The following COMMD1 variants were observed in gnomAD, a reference collection of about 807,000 sequenced individuals.
The protein encoded by COMMD1 is COMM domain-containing protein 1.
In COMMD1, 10 loss-of-function variants were observed where a neutral mutation model predicts 17.2. The observed-to-expected ratio is 0.58, with a 90% CI of 0.36 to 0.99. The LOEUF (loss-of-function observed/expected upper bound fraction) is 0.99, where lower values mean the gene tolerates loss of function less well. Ranked by LOEUF, COMMD1 falls within the 50% of genes least tolerant of loss-of-function variation. The probability of loss-of-function intolerance (pLI) is 0.01; values close to 1 mark genes in which losing one functional copy is unlikely to be tolerated. For synonymous variants in COMMD1, 97 were observed against 91.6 expected (o/e 1.06, Z -0.34); for missense variants, 270 against 231.8 (o/e 1.17, Z -1.07).
At chr2:61,917,853 A>G (rs1176690954) in intron 1 of COMMD1, among the ~76,000 whole-genome samples, 6 of 152,232 alleles carry the variant, frequency 3.9e-5, no homozygotes, top group Admixed American at 1.3e-4. Flanking sequence ...TTTGGATAAC[A>G]TATGTTAATA....
intron 2 of COMMD1, among the ~76,000 whole-genome samples, chr2:62,001,441 T>C (rs1328882038): frequency 6.6e-6 from 1 of 152,236 alleles, no homozygotes; most frequent in African/African-American, 2.4e-5. Context: ...CTAAATGTGC[T>C]ATCTCTGTCC....
chr2:62,087,522 G>C (rs976008933), intron 2 of COMMD1, among the ~76,000 whole-genome samples: 1 of 152,218 alleles, frequency 6.6e-6, no homozygotes, highest in Non-Finnish European at 1.5e-5. Context: ...AAGGCAGGTG[G>C]ATCACCTGAG....
At chr2:61,985,282 C>G (rs1672076108) in intron 1 of COMMD1, among the ~76,000 whole-genome samples, 1 of 152,130 alleles carries the variant, frequency 6.6e-6, no homozygotes, top group Non-Finnish European at 1.5e-5. Context: ...GATCTCCTGA[C>G]CTGGTGATCC....
chr2:62,099,101 G>A lies in COMMD1; in HGVS notation c.463-36730G>A, dbSNP rs140846923. 6.0e-4 allele frequency among the ~76,000 whole-genome samples: 92 copies of A among 152,254 alleles called. 2 individuals carry two copies. The East Asian group carries it at 0.014, about 23-fold the overall frequency. Reference sequence around the variant, plus strand: ...ATTTCTGGTCCCCCTGTGGCTTGAGGCAAGGGAGTAGGGGAGGGAGAAGGA... The same window carrying A: ...ATTTCTGGTCCCCCTGTGGCTTGAGACAAGGGAGTAGGGGAGGGAGAAGGA... On this transcript the variant is annotated intron_variant, in intron 2 of 2. Coordinates refer to ENST00000311832, the MANE Select transcript of COMMD1 (RefSeq NM_152516.4).
At chr2:62,102,085 TATC>T (rs1672198364) in intron 2 of COMMD1, among the ~76,000 whole-genome samples, 1 of 152,168 alleles carries the variant, frequency 6.6e-6, no homozygotes, top group Non-Finnish European at 1.5e-5. Flanking sequence ...AAGACACTCT[TATC>T]ATGAGATTCC....
At chr2:62,091,139 A>T (rs187339512) in intron 2 of COMMD1, among the ~76,000 whole-genome samples, 110 of 152,300 alleles carry the variant, frequency 7.2e-4, no homozygotes, top group African/African-American at 2.6e-3. Context: ...GGGTAAGAGT[A>T]CATGTTTGTT....
At chr2:62,058,483 TTTC>T (rs1388166795) in intron 2 of COMMD1, among the ~76,000 whole-genome samples, 2 of 152,160 alleles carry the variant, frequency 1.3e-5, no homozygotes, top group Admixed American at 1.3e-4. Flanking sequence ...GCCTTCAAAT[TTTC>T]TTCTTAAGAC....
chr2:62,057,465 A>AATAG (rs1558580405), intron 2 of COMMD1, among the ~76,000 whole-genome samples: 1 of 152,114 alleles, frequency 6.6e-6, no homozygotes, highest in East Asian at 1.9e-4. Flanking sequence ...TGTTCTATTA[A>AATAG]GATTGTGTGT....
intron 1 of COMMD1, among the ~76,000 whole-genome samples, chr2:61,891,404 A>G (rs1335425359): frequency 1.3e-5 from 2 of 152,238 alleles, no homozygotes; most frequent in African/African-American, 2.4e-5. Context: ...GTTAATGTAC[A>G]TTATTTCTCC....
chr2:61,947,688 CAACA>C (rs1049909065), intron 1 of COMMD1, among the ~76,000 whole-genome samples: 50 of 148,434 alleles, frequency 3.4e-4, no homozygotes, highest in Middle Eastern at 3.2e-3. Context: ...TCTCAAAAAA[CAACA>C]AACAAAAAAA....
At chr2:61,922,131 G>A (rs1215404043) in intron 1 of COMMD1, among the ~76,000 whole-genome samples, 1 of 152,128 alleles carries the variant, frequency 6.6e-6, no homozygotes, top group African/African-American at 2.4e-5. Context: ...AATGTTTTGT[G>A]TTATGATATT....
chr2:62,069,288 T>C (rs1446618988), intron 2 of COMMD1, among the ~76,000 whole-genome samples: 1 of 152,154 alleles, frequency 6.6e-6, no homozygotes, highest in Non-Finnish European at 1.5e-5. Flanking sequence ...TGAGCCACCA[T>C]GCCTGGTCAA....
At chr2:62,041,132 C>T (rs995487573) in intron 2 of COMMD1, among the ~76,000 whole-genome samples, 1 of 152,176 alleles carries the variant, frequency 6.6e-6, no homozygotes, top group Non-Finnish European at 1.5e-5. Context: ...ATATTCATGA[C>T]TTATACAGGA....
chr2:62,116,925 G>T (rs1276575770), intron 2 of COMMD1, among the ~76,000 whole-genome samples: 1 of 151,590 alleles, frequency 6.6e-6, no homozygotes, highest in African/African-American at 2.4e-5. Flanking sequence ...AACCCAGGAG[G>T]CGGAGGTTGT....
At chr2:61,907,553 ATG>A (rs1465156426) in intron 1 of COMMD1, among the ~76,000 whole-genome samples, 1 of 151,984 alleles carries the variant, frequency 6.6e-6, no homozygotes, top group Non-Finnish European at 1.5e-5. Context: ...ACAACAGCAC[ATG>A]TGTAGGTAAT....
chr2:62,009,726 T>C (rs1477705439), intron 2 of COMMD1, among the ~76,000 whole-genome samples: 1 of 152,098 alleles, frequency 6.6e-6, no homozygotes, highest in Non-Finnish European at 1.5e-5. Context: ...AAATTCAAGC[T>C]AACTCTGAAT....
chr2:61,949,569 G>C (rs1051532857), intron 1 of COMMD1, among the ~76,000 whole-genome samples: 3 of 152,182 alleles, frequency 2.0e-5, no homozygotes, highest in African/African-American at 4.8e-5. Context: ...CACTCCCAAA[G>C]ATATCCAAAG....
At chr2:61,955,865 T>C (rs1044827367) in intron 1 of COMMD1, among the ~76,000 whole-genome samples, 3 of 152,162 alleles carry the variant, frequency 2.0e-5, no homozygotes, top group Admixed American at 2.0e-4. Flanking sequence ...TTTTGTATTT[T>C]TAGTAAAGAC....
intron 1 of COMMD1, among the ~76,000 whole-genome samples, chr2:61,914,847 C>T (rs947737175): frequency 3.3e-5 from 5 of 150,904 alleles, no homozygotes; most frequent in Admixed American, 1.3e-4. Context: ...TGTGCCACCA[C>T]GCCTGGCTAA....
Sources: gnomAD v4.1 joint callset for allele counts (sites outside exome capture counted in the v4.1 genomes callset) on GRCh38, gnomAD v4.1.1 for gene constraint, MANE v1.5 for transcripts, NCBI Gene and HGNC (gene_info 2026-07-23, HGNC 2026-07-21) for gene names.